CYB5R3: variants seen among roughly 807,000 people sequenced by gnomAD.
CYB5R3 encodes NADH-cytochrome b5 reductase 3.
A neutral mutation model predicts 36.5 loss-of-function variants in CYB5R3; 28 were observed. The observed-to-expected ratio is 0.77, with a 90% CI of 0.57 to 1.05. CYB5R3 has a LOEUF of 1.05. Among genes scored for constraint, CYB5R3 ranks in the 50% least tolerant of loss-of-function variants. The probability of loss-of-function intolerance (pLI) is 0.00; values close to 1 mark genes in which losing one functional copy is unlikely to be tolerated. For synonymous variants in CYB5R3, 181 were observed against 159.8 expected (o/e 1.13, Z -1.00); for missense variants, 474 against 408.9 (o/e 1.16, Z -1.37).
intron 1 of CYB5R3, chr22:42,638,994 A>T (rs1929073823): frequency 2.4e-6 from 1 of 411,794 alleles, no homozygotes; most frequent in East Asian, 8.3e-5. Context: ...AGATCGTGCC[A>T]TTGCACTCCA....
chr22:42,642,197 G>A (rs1929312998), intron 1 of CYB5R3, among the ~76,000 whole-genome samples: 1 of 147,268 alleles, frequency 6.8e-6, no homozygotes, highest in South Asian at 2.2e-4. Flanking sequence ...CTATAGCCTT[G>A]ACCTCTTGTA....
chr22:42,619,627 G>T lies in CYB5R3; in HGVS notation c.*146C>A, dbSNP rs1297174771. 4.0e-6 allele frequency: 3 copies of T among 747,368 alleles called. No homozygotes were observed. The highest frequency in any genetic ancestry group is 1.7e-5 in the South Asian group (1 of 57,190). The allele number at this position is 747,368 out of a possible 1,614,324, so 46.3% of individuals were successfully genotyped here. A position where few individuals can be genotyped will look rare whatever the true frequency, so the allele number is the denominator to read the frequency against. Reference sequence around the variant, plus strand: ...CCCTGCTCCCGAAGGGGCTCCAGGGGAACTGCTCAGCCAGGTGATTCACCA... The same window carrying T: ...CCCTGCTCCCGAAGGGGCTCCAGGGTAACTGCTCAGCCAGGTGATTCACCA... On this transcript the variant is annotated 3_prime_UTR_variant, in exon 9 of 9. Transcript: ENST00000352397.
intron 7 of CYB5R3, among the ~76,000 whole-genome samples, chr22:42,625,465 C>A (rs1013807782): frequency 6.6e-6 from 1 of 152,102 alleles, no homozygotes; most frequent in Non-Finnish European, 1.5e-5. Context: ...CCGAGATTCA[C>A]GCCATTGCAC....
intron 4 of CYB5R3, among the ~76,000 whole-genome samples, 171 bp downstream of exon 4, chr22:42,630,711 G>A (rs1164475163): frequency 6.6e-6 from 1 of 152,216 alleles, no homozygotes; most frequent in Non-Finnish European, 1.5e-5. Context: ...ACTCGAGAGG[G>A]GCTCTAGAAG....
chr22:42,631,194 C>G, intron 3 of CYB5R3, 184 bp downstream of exon 3: 2 of 757,340 alleles, frequency 2.6e-6, no homozygotes. Context: ...GTGCCACTGC[C>G]AGGGACTCTG....
At chr22:42,639,826 TG>T (rs1158316210) in intron 1 of CYB5R3, 26 of 1,021,940 alleles carry the variant, frequency 2.5e-5, no homozygotes, top group Admixed American at 9.0e-5. Flanking sequence ...GAACATGGGT[TG>T]GAACTGCTTG....
chr22:42,643,335 C>T (rs1162380915), intron 1 of CYB5R3, among the ~76,000 whole-genome samples: 1 of 152,218 alleles, frequency 6.6e-6, no homozygotes, highest in Admixed American at 6.5e-5. Flanking sequence ...GGCTCACACA[C>T]AGGAGCTTTT....
chr22:42,640,917 C>CA (rs1929234659), intron 1 of CYB5R3, among the ~76,000 whole-genome samples: 1 of 151,718 alleles, frequency 6.6e-6, no homozygotes, highest in South Asian at 2.1e-4. Flanking sequence ...AGTGCAGTGG[C>CA]ACGGTCTCAG....
At chr22:42,642,146 CTA>C (rs3046414) in intron 1 of CYB5R3, among the ~76,000 whole-genome samples, 20,252 of 150,204 alleles carry the variant, frequency 0.13, 1,916 homozygotes, top group East Asian at 0.58. Flanking sequence ...GGGTTTCACT[CTA>C]TCACCCAGGC....
At chr22:42,629,909 T>G (rs537149799) in intron 4 of CYB5R3, among the ~76,000 whole-genome samples, 1 of 152,294 alleles carries the variant, frequency 6.6e-6, no homozygotes, top group Admixed American at 6.5e-5. Flanking sequence ...GTGATTCTCC[T>G]GCCTCAGCCT....
intron 1 of CYB5R3, among the ~76,000 whole-genome samples, chr22:42,641,908 G>A (rs944366310): frequency 6.6e-6 from 1 of 152,104 alleles, no homozygotes; most frequent in Non-Finnish European, 1.5e-5. Context: ...ACAGGCATGA[G>A]CCACTGCACC....
chr22:42,630,742 T>G, intron 4 of CYB5R3, 140 bp downstream of exon 4: 1 of 743,138 alleles, frequency 1.3e-6, no homozygotes, highest in Non-Finnish European at 2.4e-6. Flanking sequence ...TGCAAGCCCC[T>G]GAGGAAGTGG....
In CYB5R3 at chr22:42,624,163, C is replaced by T. The variant is rs137128; in HGVS notation, c.634-275G>A. 0.32 allele frequency among the ~76,000 whole-genome samples: 48,663 copies of T among 152,096 alleles called. 11,136 individuals are homozygous for T. The highest frequency in any genetic ancestry group is 0.68 in the East Asian group (3,509 of 5,158). ...TTGTGAGGAAATGGGCTCGATGTCC[C>T]GAGAGTGGGAAAAATGGAAAAAACT... On this transcript the variant is annotated intron_variant, in intron 7 of 8. Transcript: ENST00000352397.
At chr22:42,620,800 C>G (rs189990541) in intron 8 of CYB5R3, among the ~76,000 whole-genome samples, 1 of 152,200 alleles carries the variant, frequency 6.6e-6, no homozygotes, top group South Asian at 2.1e-4. Context: ...ACTCCATGAG[C>G]TAAGTCACTG....
At chr22:42,641,224 C>T (rs949881869) in intron 1 of CYB5R3, among the ~76,000 whole-genome samples, 8 of 152,040 alleles carry the variant, frequency 5.3e-5, no homozygotes, top group African/African-American at 1.9e-4. Flanking sequence ...ATAATACATA[C>T]AATATACAAA....
rs768145707 is a variant in CYB5R3 at position 42,619,767 on chromosome 22, C to T, written c.*6G>A. The T allele has an allele frequency of 3.8e-6, 6 of 1,569,948 alleles. No homozygotes were observed. The highest frequency in any genetic ancestry group is 3.4e-6 in the Non-Finnish European group (4 of 1,161,176). On this transcript the variant is annotated 3_prime_UTR_variant, in exon 9 of 9. Transcript: ENST00000352397. ...GGGCGGGTGGCCGTGTGACCGTGCC[C>T]GGCCCTCAGAAGACGAAGCAGCGCT... is the stretch of plus-strand genomic sequence containing the variant.
chr22:42,639,984 G>C, intron 1 of CYB5R3: 1 of 1,611,782 alleles, frequency 6.2e-7, no homozygotes. Context: ...AGCCAATGAT[G>C]CCACGCTTGC....
In CYB5R3 at chr22:42,649,345, C is replaced by A; in HGVS notation, c.-30G>T. On this transcript the variant is annotated 5_prime_UTR_variant, in exon 1 of 9. Transcript: ENST00000352397. The stretch of plus-strand genomic sequence containing the variant: ...GCCCCGCGCCGCGCTCGCTCTGTCG[C>A]CGCCGCCGCCGCCGCCGAGACCGTC... 1 of 829,142 alleles carries A rather than the reference C, an allele frequency of 1.2e-6. No individual in the cohort carries two copies. The allele number at this position is 829,142 out of a possible 1,614,324, so 51.4% of individuals were successfully genotyped here.
At chr22:42,647,670 G>A (rs961007664) in intron 1 of CYB5R3, among the ~76,000 whole-genome samples, 7 of 145,534 alleles carry the variant, frequency 4.8e-5, no homozygotes, top group African/African-American at 1.8e-4. Context: ...AGTGAGCTGA[G>A]ATCATGCCAC....
Sources: allele counts gnomAD v4.1 joint callset (sites outside exome capture counted in the v4.1 genomes callset), GRCh38; gene constraint gnomAD v4.1.1; transcripts MANE v1.5; gene names NCBI Gene and HGNC (gene_info 2026-07-23, HGNC 2026-07-21).